GRM8: variants seen among roughly 807,000 people sequenced by gnomAD.
The protein encoded by GRM8 is glutamate metabotropic receptor 8, also known as metabotropic glutamate receptor 8.
GRM8 carries 47 observed loss-of-function variants against 87.2 expected under a neutral mutation model. That is an observed-to-expected ratio of 0.54 (90% CI 0.43 to 0.69). The LOEUF (loss-of-function observed/expected upper bound fraction) is 0.69, where lower values mean the gene tolerates loss of function less well. Among genes scored for constraint, GRM8 ranks in the 30% least tolerant of loss-of-function variants. The pLI, the probability that GRM8 is intolerant of heterozygous loss-of-function variation, is 0.00. For missense variants in GRM8, 1,019 were observed against 1,139.2 expected (o/e 0.89, Z 1.52); for synonymous variants, 396 against 404.5 (o/e 0.98, Z 0.25).
chr7:126,526,642 T>G (rs1813892182), intron 9 of GRM8, among the ~76,000 whole-genome samples: 2 of 152,238 alleles, frequency 1.3e-5, no homozygotes, highest in African/African-American at 4.8e-5. Flanking sequence ...AATATTTATT[T>G]GTGCTATCAA....
intron 3 of GRM8, among the ~76,000 whole-genome samples, chr7:126,986,903 G>T (rs990354797): frequency 3.9e-5 from 6 of 152,162 alleles, no homozygotes; most frequent in African/African-American, 1.4e-4. Context: ...AATGTTTCAA[G>T]CTTTTTTAAT....
rs139969886 is a variant in GRM8 at position 127,138,405 on chromosome 7, C to T, written c.511-31693G>A. ...CACAGGGTCCAGAAACCTGTATTTT[C>T]ATAAGCACTCCAAATGATCCTCATA... On this transcript the variant is annotated intron_variant, in intron 2 of 10. Transcript: ENST00000339582. 7.1e-3 allele frequency among the ~76,000 whole-genome samples: 1,075 copies of T among 152,174 alleles called. 10 individuals are homozygous for T. Among genetic ancestry groups the T allele is most frequent in the African/African-American group, 0.024 (998 of 41,490 alleles).
intron 3 of GRM8, among the ~76,000 whole-genome samples, chr7:127,045,892 A>G (rs1047424461): frequency 2.0e-5 from 3 of 152,170 alleles, no homozygotes; most frequent in Non-Finnish European, 4.4e-5. Flanking sequence ...TTCCATATGA[A>G]TTATAGAATC....
At chr7:127,248,650 T>C (rs1182165255) in intron 1 of GRM8, among the ~76,000 whole-genome samples, 1 of 152,236 alleles carries the variant, frequency 6.6e-6, no homozygotes, top group Non-Finnish European at 1.5e-5. Flanking sequence ...ATAATGTGTG[T>C]CAAAGTACTT....
chr7:126,533,148 G>T lies in GRM8; in HGVS notation c.2234C>A (p.Ser745Tyr). Residue 745 changes from serine (S) to tyrosine (Y), a missense_variant, in exon 9 of 11, where the codon TCT (serine) becomes TAT (tyrosine). By Grantham distance (144) the Ser-to-Tyr change is moderately radical (BLOSUM62 -2). Transcript: ENST00000339582. ...AAGTGAACAAATGAGTGAGAGATCAGAAATGTCACACTTGAGCACTCCCCT... is the reference window on the plus strand; with the variant it reads ...AAGTGAACAAATGAGTGAGAGATCATAAATGTCACACTTGAGCACTCCCCT... ...KARGVLKCDI[S>Y]DLSLICSLGY... 6.2e-7 allele frequency: 1 copy of T among 1,612,956 alleles called. No homozygotes were observed. The highest frequency in any genetic ancestry group is 8.5e-7 in the Non-Finnish European group (1 of 1,179,750).
chr7:126,800,979 C>T (rs1248171401), intron 6 of GRM8, among the ~76,000 whole-genome samples: 1 of 151,702 alleles, frequency 6.6e-6, no homozygotes, highest in Non-Finnish European at 1.5e-5. Context: ...ATGGAAAAAG[C>T]TGCTTAAAAT....
chr7:126,985,433 A>G (rs1431785507), intron 3 of GRM8, among the ~76,000 whole-genome samples: 2 of 152,236 alleles, frequency 1.3e-5, no homozygotes, highest in East Asian at 1.9e-4. Context: ...TTTTTCTCTT[A>G]TGTATTTTAA....
At chr7:126,677,279 A>G (rs1807062928) in intron 7 of GRM8, among the ~76,000 whole-genome samples, 1 of 152,118 alleles carries the variant, frequency 6.6e-6, no homozygotes, top group East Asian at 1.9e-4. Context: ...GCCTCTATAG[A>G]AAATAGCACG....
chr7:126,924,526 A>C (rs1804883450), intron 3 of GRM8, among the ~76,000 whole-genome samples: 1 of 152,174 alleles, frequency 6.6e-6, no homozygotes. Context: ...ACCCTCTACC[A>C]ACTCATATCC....
Position 127,015,203 on chromosome 7 carries a change from A to G in GRM8, c.727+91293T>C, listed in dbSNP as rs868055717. ...GAAGAAGAAGAAGAAGAAGAAGAAGAAGAAGAAGAAGAAGAAGAAGAAGAA... is the reference window on the plus strand; with the variant it reads ...GAAGAAGAAGAAGAAGAAGAAGAAGGAGAAGAAGAAGAAGAAGAAGAAGAA... On this transcript the variant is annotated intron_variant, in intron 3 of 10. Transcript: ENST00000339582. Among the ~76,000 whole-genome samples the G allele has an allele frequency of 4.3e-3, 435 of 101,932 alleles. 10 individuals carry two copies. The highest frequency in any genetic ancestry group is 5.6e-3 in the Non-Finnish European group (285 of 50,492). The allele number at this position is 101,932 out of a possible 152,430, so 66.9% of individuals were successfully genotyped here. A position where few individuals can be genotyped will look rare whatever the true frequency, so the allele number is the denominator to read the frequency against.
intron 8 of GRM8, among the ~76,000 whole-genome samples, chr7:126,585,334 C>G (rs545494938): frequency 8.5e-5 from 13 of 152,144 alleles, no homozygotes; most frequent in Non-Finnish European, 1.5e-4. Context: ...AAAAACACAT[C>G]TCCTAATTTC....
At chr7:127,039,917 A>G (rs1301295138) in intron 3 of GRM8, among the ~76,000 whole-genome samples, 1 of 29,848 alleles carries the variant, frequency 3.4e-5, no homozygotes, top group Non-Finnish European at 6.2e-5. Context: ...GGGAAGGTGA[A>G]GGGGAAGGGA....
At chr7:126,469,551 C>T (rs908785845) in intron 9 of GRM8, among the ~76,000 whole-genome samples, 4 of 152,048 alleles carry the variant, frequency 2.6e-5, no homozygotes, top group African/African-American at 9.7e-5. Flanking sequence ...TACCTCCAGG[C>T]CATTCTTGTG....
At chr7:127,117,504 A>G (rs1167820139) in intron 2 of GRM8, among the ~76,000 whole-genome samples, 1 of 152,198 alleles carries the variant, frequency 6.6e-6, no homozygotes. Context: ...TCAAGATGAA[A>G]TCTCTGATTA....
intron 8 of GRM8, among the ~76,000 whole-genome samples, chr7:126,588,411 A>G (rs1016260264): frequency 2.0e-5 from 3 of 152,216 alleles, no homozygotes; most frequent in Non-Finnish European, 2.9e-5. Flanking sequence ...TCAAAGAACT[A>G]AGAGTTGAAC....
intron 6 of GRM8, chr7:126,870,472 G>T (rs993077511): frequency 2.6e-5 from 4 of 152,030 alleles, no homozygotes; most frequent in African/African-American, 9.7e-5. Flanking sequence ...ATCTTTTCTG[G>T]TTTTTTATTT....
chr7:126,609,625 C>T, intron 7 of GRM8, 127 bp from the exon 8 acceptor site: 1 of 678,648 alleles, frequency 1.5e-6, no homozygotes, highest in Admixed American at 2.9e-5. Flanking sequence ...AGATTGCAAT[C>T]CATACAAGGT....
intron 9 of GRM8, among the ~76,000 whole-genome samples, chr7:126,489,193 C>G (rs1384282226): frequency 2.0e-5 from 3 of 152,012 alleles, no homozygotes; most frequent in Admixed American, 2.0e-4. Flanking sequence ...AAATGCTTAT[C>G]CCCGTTCTGA....
chr7:126,749,712 T>A (rs1160908541), intron 7 of GRM8, among the ~76,000 whole-genome samples: 3 of 152,046 alleles, frequency 2.0e-5, no homozygotes, highest in Non-Finnish European at 4.4e-5. Flanking sequence ...TAGGAATGGC[T>A]AATAAGCTTA....
Sources: gnomAD v4.1 joint callset for allele counts (sites outside exome capture counted in the v4.1 genomes callset) on GRCh38, gnomAD v4.1.1 for gene constraint, MANE v1.5 for transcripts, NCBI Gene and HGNC (gene_info 2026-07-23, HGNC 2026-07-21) for gene names.